Variants in CYP20A1 observed in about 807,000 individuals in gnomAD.
The protein encoded by CYP20A1 is cytochrome P450 family 20 subfamily A member 1.
In CYP20A1, 61 loss-of-function variants were observed where a neutral mutation model predicts 61.4. That is an observed-to-expected ratio of 0.99 (90% CI 0.81 to 1.23). The LOEUF (loss-of-function observed/expected upper bound fraction) is 1.23. Among genes scored for constraint, CYP20A1 ranks in the 50% most tolerant of loss-of-function variants. The pLI, the probability that CYP20A1 is intolerant of heterozygous loss-of-function variation, is 0.00. For synonymous variants in CYP20A1, 193 were observed against 188.2 expected (o/e 1.03, Z -0.21); for missense variants, 530 against 542.4 (o/e 0.98, Z 0.23).
intron 11 of CYP20A1, among the ~76,000 whole-genome samples, chr2:203,295,372 G>C (rs899302143): frequency 2.6e-5 from 4 of 152,222 alleles, no homozygotes; most frequent in African/African-American, 9.6e-5. Context: ...ACTGTGTCCA[G>C]CCTCTCTCAC....
intron 7 of CYP20A1, among the ~76,000 whole-genome samples, chr2:203,279,681 T>G (rs975683077): frequency 6.6e-6 from 1 of 152,208 alleles, no homozygotes; most frequent in Non-Finnish European, 1.5e-5. Flanking sequence ...TGAGGCTTCA[T>G]TGCTGTTTAC....
chr2:203,256,861 C>T (rs1381909438), intron 4 of CYP20A1, among the ~76,000 whole-genome samples: 1 of 152,138 alleles, frequency 6.6e-6, no homozygotes, highest in Non-Finnish European at 1.5e-5. Flanking sequence ...TCTCTTACTT[C>T]CATAGGTCTG....
intron 3 of CYP20A1, 150 bp from the exon 4 acceptor site, chr2:203,251,817 A>ATATATATGTGTATATATATATATAT (rs34111991): frequency 1.0e-5 from 1 of 95,314 alleles, no homozygotes; most frequent in Admixed American, 1.4e-4. Flanking sequence ...ATATATATAT[A>ATATATATGTGTATATATATATATAT]AAAAATAAAA....
rs574264928 is a variant in CYP20A1, at chr2:203,302,025, A to G, written c.*5117A>G. ...ACTGCAACCTCTGCTTCCCAGGTTCAAGTGATCCTCCCGCCTCAGCCTCCC... is the reference window on the plus strand; with the variant it reads ...ACTGCAACCTCTGCTTCCCAGGTTCGAGTGATCCTCCCGCCTCAGCCTCCC... On this transcript the variant is annotated 3_prime_UTR_variant, in exon 13 of 13. Transcript: ENST00000356079. Among the ~76,000 whole-genome samples the G allele has an allele frequency of 2.7e-5, 4 of 148,854 alleles. No individual in the cohort carries two copies. In the South Asian group the frequency reaches 8.4e-4, roughly 31 times the overall value.
At chr2:203,263,588 C>G (rs954105801) in intron 4 of CYP20A1, among the ~76,000 whole-genome samples, 1 of 152,094 alleles carries the variant, frequency 6.6e-6, no homozygotes, top group Admixed American at 6.6e-5. Flanking sequence ...GCTCCCGGCC[C>G]GTATGCAAGT....
At chr2:203,295,729 C>CG (rs1031276931) in intron 11 of CYP20A1, among the ~76,000 whole-genome samples, 6 of 152,024 alleles carry the variant, frequency 3.9e-5, no homozygotes, top group Non-Finnish European at 8.8e-5. Flanking sequence ...AGGTGGATCA[C>CG]GACGAGGTCA....
chr2:203,285,580 T>G, intron 8 of CYP20A1, 32 bp from the exon 9 acceptor site: 6 of 1,503,328 alleles, frequency 4.0e-6, no homozygotes, highest in Non-Finnish European at 5.3e-6. Context: ...AGTTAGCTAT[T>G]TTCATTGTTA....
intron 6 of CYP20A1, among the ~76,000 whole-genome samples, chr2:203,275,421 T>G (rs2067774843): frequency 6.6e-6 from 1 of 152,096 alleles, no homozygotes; most frequent in African/African-American, 2.4e-5. Context: ...TAATAATTTC[T>G]TATTTTCTTT....
chr2:203,246,743 C>G lies in CYP20A1; in HGVS notation c.123-12C>G. 6.2e-7 allele frequency: 1 copy of G among 1,606,944 alleles called. No individual in the cohort carries two copies. The highest frequency in any genetic ancestry group is 8.5e-7 in the Non-Finnish European group (1 of 1,177,432). ...AAATTGATTATTTTGTCAAATGTTG[C>G]TCTTTTGCCAGAGATGGTAATCTTC... On this transcript the variant is annotated splice_polypyrimidine_tract_variant and intron_variant, in intron 2 of 12. Transcript: ENST00000356079.
chr2:203,300,461 C>G lies in CYP20A1; in HGVS notation c.*3553C>G, dbSNP rs2068976058. Among the ~76,000 whole-genome samples the G allele has an allele frequency of 1.3e-5, 2 of 152,152 alleles. No homozygotes were observed. Among genetic ancestry groups the G allele is most frequent in the African/African-American group, 4.8e-5 (2 of 41,434 alleles). ...CTTATAGAATGATTCTAGCAGGACT[C>G]AAGTTATTGAACTATCAAATGGGTT... On this transcript the variant is annotated 3_prime_UTR_variant, in exon 13 of 13. Coordinates refer to ENST00000356079, the MANE Select transcript of CYP20A1 (RefSeq NM_177538.3).
intron 2 of CYP20A1, 40 bp downstream of exon 2, chr2:203,245,935 T>G: frequency 1.5e-6 from 2 of 1,291,122 alleles, no homozygotes; most frequent in Non-Finnish European, 2.2e-6. Flanking sequence ...GAGTTAATTC[T>G]TCATTATTGA....
In CYP20A1 at chr2:203,258,388, T is replaced by TA. The variant is rs56367282; in HGVS notation, c.432+6299dup. Among the ~76,000 whole-genome samples the TA allele has an allele frequency of 2.0e-3, 273 of 138,116 alleles. 2 individuals carry two copies. Among genetic ancestry groups the TA allele is most frequent in the African/African-American group, 6.0e-3 (224 of 37,066 alleles). The allele number at this position is 138,116 out of a possible 152,430, so 90.6% of individuals were successfully genotyped here. ...GGGCAACATAGCAGGACCCTATGTT[T>TA]AAAAAAAAAAAAAAAAAAAACGGTT... On this transcript the variant is annotated intron_variant, in intron 4 of 12. Coordinates refer to ENST00000356079, the MANE Select transcript of CYP20A1 (RefSeq NM_177538.3).
At chr2:203,271,043 TA>T in intron 5 of CYP20A1, among the ~76,000 whole-genome samples, 1 of 73,830 alleles carries the variant, frequency 1.4e-5, no homozygotes, top group Non-Finnish European at 2.9e-5. Context: ...TATATATATA[TA>T]TGTATATGTG....
intron 6 of CYP20A1, among the ~76,000 whole-genome samples, chr2:203,274,743 GA>G (rs949288060): frequency 1.7e-4 from 24 of 145,296 alleles, no homozygotes; most frequent in African/African-American, 3.8e-4. Flanking sequence ...AGTAAAAAAA[GA>G]AAAAAAAAAG....
At chr2:203,239,281 C>A (rs907046971) in intron 1 of CYP20A1, 147 bp downstream of exon 1, 6 of 690,858 alleles carry the variant, frequency 8.7e-6, no homozygotes, top group Non-Finnish European at 1.2e-5. Flanking sequence ...GCGCGGGGAC[C>A]GCACCCGGAG....
At chr2:203,248,717 A>G (rs1258866956) in intron 3 of CYP20A1, among the ~76,000 whole-genome samples, 1 of 152,112 alleles carries the variant, frequency 6.6e-6, no homozygotes, top group Non-Finnish European at 1.5e-5. Flanking sequence ...TCCCTGCCTT[A>G]TTCTATTCCC....
At chr2:203,251,789 ATGTG>A (rs1303525265) in intron 3 of CYP20A1, among the ~76,000 whole-genome samples, 174 bp from the exon 4 acceptor site, 2 of 31,446 alleles carry the variant, frequency 6.4e-5, no homozygotes, top group African/African-American at 1.8e-4. Context: ...CTATATATAT[ATGTG>A]TATATATATA....
At chr2:203,290,614 T>C (rs1015388683) in intron 10 of CYP20A1, among the ~76,000 whole-genome samples, 1 of 152,160 alleles carries the variant, frequency 6.6e-6, no homozygotes, top group East Asian at 1.9e-4. Context: ...CTGCATAATA[T>C]TCCATTGTGT....
chr2:203,245,922 G>A, intron 2 of CYP20A1, 27 bp downstream of exon 2: 1 of 1,439,878 alleles, frequency 6.9e-7, no homozygotes, highest in East Asian at 2.3e-5. Flanking sequence ...TTGGAATTAA[G>A]TAGAGTTAAT....
Sources: allele counts gnomAD v4.1 joint callset (sites outside exome capture counted in the v4.1 genomes callset), GRCh38; gene constraint gnomAD v4.1.1; transcripts MANE v1.5; gene names NCBI Gene and HGNC (gene_info 2026-07-23, HGNC 2026-07-21).